TSG101: variants seen among roughly 807,000 people sequenced by gnomAD.
The protein encoded by TSG101 is tumor susceptibility gene 101 protein.
A neutral mutation model predicts 48.5 loss-of-function variants in TSG101; 19 were observed. The ratio of observed to expected loss-of-function variants is 0.39; its 90% CI spans 0.27 to 0.58. The LOEUF (loss-of-function observed/expected upper bound fraction) is 0.58. TSG101 is among the 20% of genes least tolerant of loss of function. The pLI is 0.55. For synonymous variants in TSG101, 174 were observed against 169.4 expected (o/e 1.03, Z -0.21); for missense variants, 365 against 484.4 (o/e 0.75, Z 2.31).
chr11:18,518,039 T>G (rs1850208671), intron 2 of TSG101, among the ~76,000 whole-genome samples: 1 of 152,248 alleles, frequency 6.6e-6, no homozygotes. Flanking sequence ...ATGTATTTAT[T>G]CTTTTATATG....
At chr11:18,517,461 G>A (rs1850198030) in intron 2 of TSG101, among the ~76,000 whole-genome samples, 1 of 152,156 alleles carries the variant, frequency 6.6e-6, no homozygotes, top group African/African-American at 2.4e-5. Context: ...ACCCATAGAG[G>A]AAAGGTTGTA....
At chr11:18,515,581 A>G (rs1850157135) in intron 3 of TSG101, among the ~76,000 whole-genome samples, 1 of 152,242 alleles carries the variant, frequency 6.6e-6, no homozygotes, top group Non-Finnish European at 1.5e-5. Context: ...TCTGCTTATT[A>G]TATTCCAGGC....
chr11:18,496,453 A>AAAATAAAATAAAATAAAATAAAATAAAAT (rs1849779235), intron 7 of TSG101, among the ~76,000 whole-genome samples: 1 of 24,324 alleles, frequency 4.1e-5, no homozygotes, highest in South Asian at 1.9e-3. Flanking sequence ...AAAATAAAAT[A>AAAATAAAATAAAATAAAATAAAATAAAAT]AAATAAAATA....
chr11:18,499,402 ATTTTTTT>A (rs1160424288), intron 7 of TSG101, among the ~76,000 whole-genome samples: 2 of 5,456 alleles, frequency 3.7e-4, no homozygotes, highest in African/African-American at 5.0e-4. Context: ...ATATATATAT[ATTTTTTT>A]TTTTTTTTTT....
intron 2 of TSG101, among the ~76,000 whole-genome samples, chr11:18,518,567 A>C (rs1045480151): frequency 1.3e-5 from 2 of 152,186 alleles, no homozygotes; most frequent in South Asian, 2.1e-4. Flanking sequence ...TCTCAATAGA[A>C]AGTAGAGACA....
At position 18,516,168 on chromosome 11, in the gene TSG101, A is replaced by G. The variant is rs566603263; in HGVS notation, c.128-4T>C. The G allele has an allele frequency of 1.8e-4, 285 of 1,613,352 alleles. 3 individuals carry two copies. The South Asian group carries it at 2.9e-3, about 16-fold the overall frequency. Reference sequence around the variant, plus strand: ...CTGGAACTGCCATCGTTAAAAACTGAAAGGAAAGAACAATGATTTAATCAT... The same window carrying G: ...CTGGAACTGCCATCGTTAAAAACTGGAAGGAAAGAACAATGATTTAATCAT... On this transcript the variant is annotated splice_region_variant and splice_polypyrimidine_tract_variant and intron_variant, in intron 2 of 9. Transcript: ENST00000251968.
At chr11:18,494,629 C>CT (rs1310781592) in intron 7 of TSG101, among the ~76,000 whole-genome samples, 3 of 152,226 alleles carry the variant, frequency 2.0e-5, no homozygotes, top group Non-Finnish European at 2.9e-5. Flanking sequence ...TCATGACTCA[C>CT]TGACTGTCCA....
At chr11:18,499,400 A>AT (rs1204737360) in intron 7 of TSG101, among the ~76,000 whole-genome samples, 9 of 6,784 alleles carry the variant, frequency 1.3e-3, no homozygotes, top group African/African-American at 3.3e-3. Flanking sequence ...ATATATATAT[A>AT]TATTTTTTTT....
At chr11:18,509,911 A>G (rs1312218192) in intron 4 of TSG101, among the ~76,000 whole-genome samples, 1 of 152,216 alleles carries the variant, frequency 6.6e-6, no homozygotes, top group African/African-American at 2.4e-5. Flanking sequence ...TGCAAAATTC[A>G]TAGAGTTTTG....
intron 7 of TSG101, among the ~76,000 whole-genome samples, chr11:18,493,344 C>G (rs1008162975): frequency 6.6e-6 from 1 of 152,166 alleles, no homozygotes; most frequent in Admixed American, 6.5e-5. Flanking sequence ...CTAGTATACA[C>G]TACCTGATTT....
chr11:18,524,016 C>T (rs921604500), intron 1 of TSG101, among the ~76,000 whole-genome samples: 3 of 152,036 alleles, frequency 2.0e-5, no homozygotes, highest in African/African-American at 7.3e-5. Flanking sequence ...ATCCTGAACT[C>T]CTGGCCTCAA....
At chr11:18,508,682 TTC>T (rs1221144905) in intron 5 of TSG101, 4 of 152,196 alleles carry the variant, frequency 2.6e-5, no homozygotes, top group Non-Finnish European at 5.9e-5. Context: ...CAAAAATTCT[TTC>T]TGTTAAATTC....
In TSG101 at chr11:18,514,746, T is replaced by C; in HGVS notation, c.289A>G (p.Ile97Val). Residue 97 changes from isoleucine (I) to valine (V), a missense_variant, in exon 4 of 10, where the codon ATT becomes GTT. Coordinates refer to ENST00000251968, the MANE Select transcript of TSG101 (RefSeq NM_006292.4). ...GCATCAACATGCTTTCCTGTTTTAA[T>C]AGTCATTGAACTAGTAGGCTTAACA... ...CFVKPTSSMT[I>V]KTGKHVDANG... 4 of 1,597,140 alleles carry C rather than the reference T, an allele frequency of 2.5e-6. No homozygotes were observed. The highest frequency in any genetic ancestry group is 1.1e-5 in the South Asian group (1 of 87,550).
chr11:18,494,398 T>C (rs144710363), intron 7 of TSG101, among the ~76,000 whole-genome samples: 1 of 152,376 alleles, frequency 6.6e-6, no homozygotes, highest in East Asian at 1.9e-4. Context: ...AGGTATTCTA[T>C]AGGAATAACG....
chr11:18,483,532 CCAT>C (rs1422604333), intron 8 of TSG101, among the ~76,000 whole-genome samples: 2 of 150,964 alleles, frequency 1.3e-5, no homozygotes, highest in African/African-American at 2.4e-5. Context: ...TTGCCTCCCA[CCAT>C]GATTCTGAGG....
In TSG101 at chr11:18,480,692, T is replaced by TA. The variant is rs1042617477; in HGVS notation, c.1084-58dup. ...AATGGCTTTGATTTAGGCCCAGGCA[T>TA]AAAATAGACAATTTGTAACCTAGAT... On this transcript the variant is annotated intron_variant, in intron 9 of 9. Transcript: ENST00000251968. 9.3e-6 allele frequency: 14 copies of TA among 1,512,682 alleles called. No homozygotes were observed. The Admixed American group carries it at 1.4e-4, about 16-fold the overall frequency. 93.7% of individuals were successfully genotyped at this position (1,512,682 alleles called of 1,614,324 possible). A position where few individuals can be genotyped will look rare whatever the true frequency, so the allele number is the denominator to read the frequency against.
chr11:18,515,495 G>A (rs1850155764), intron 3 of TSG101, among the ~76,000 whole-genome samples: 1 of 152,158 alleles, frequency 6.6e-6, no homozygotes, highest in African/African-American at 2.4e-5. Context: ...GTGAAAGACA[G>A]GCTAACAGAG....
At chr11:18,506,976 T>C in intron 5 of TSG101, 53 bp from the exon 6 acceptor site, 1 of 1,441,448 alleles carries the variant, frequency 6.9e-7, no homozygotes, top group Middle Eastern at 1.8e-4. Context: ...CCTGAATATG[T>C]AGGCTACTGA....
At chr11:18,480,748 C>A in intron 9 of TSG101, 113 bp from the exon 10 acceptor site, 1 of 901,344 alleles carries the variant, frequency 1.1e-6, no homozygotes, top group Non-Finnish European at 1.7e-6. Context: ...CATGACCTGC[C>A]AACCTTTGGA....
Sources: allele counts gnomAD v4.1 joint callset (sites outside exome capture counted in the v4.1 genomes callset), GRCh38; gene constraint gnomAD v4.1.1; transcripts MANE v1.5; gene names NCBI Gene and HGNC (gene_info 2026-07-23, HGNC 2026-07-21).